Variants in AAK1 observed in about 807,000 individuals in gnomAD.
The protein encoded by AAK1 is AP2-associated protein kinase 1.
A neutral mutation model predicts 116.0 loss-of-function variants in AAK1; 37 were observed. That is an observed-to-expected ratio of 0.32 (90% CI 0.25 to 0.42). The LOEUF (loss-of-function observed/expected upper bound fraction) is 0.42, where lower values mean the gene tolerates loss of function less well. AAK1 is among the 10% of genes least tolerant of loss of function. AAK1 has a pLI of 1.00. For synonymous variants in AAK1, 458 were observed against 439.9 expected, an observed-to-expected ratio of 1.04 and a Z score of -0.51; for missense variants, 919 against 1,170.6, an observed-to-expected ratio of 0.79 and a Z score of 3.14.
chr2:69,542,906 A>G (rs1670778792), intron 4 of AAK1, among the ~76,000 whole-genome samples: 1 of 152,162 alleles, frequency 6.6e-6, no homozygotes, highest in South Asian at 2.1e-4. Flanking sequence ...AGCACCCCAG[A>G]TGTGAGCTGC....
intron 5 of AAK1, among the ~76,000 whole-genome samples, chr2:69,532,630 T>A (rs910888069): frequency 6.6e-6 from 1 of 152,212 alleles, no homozygotes; most frequent in African/African-American, 2.4e-5. Context: ...AAAATGTCAC[T>A]CTTTCCCTAT....
intron 6 of AAK1, chr2:69,531,627 G>A: frequency 2.0e-6 from 2 of 991,242 alleles, no homozygotes; most frequent in Non-Finnish European, 2.4e-6. Flanking sequence ...ATCGCCTTAT[G>A]AGCAGGAAGA....
chr2:69,520,339 T>C (rs1473895930), intron 11 of AAK1, among the ~76,000 whole-genome samples: 2 of 151,886 alleles, frequency 1.3e-5, no homozygotes, highest in Non-Finnish European at 2.9e-5. Context: ...TTGCCAGCCA[T>C]TTGCGATACA....
chr2:69,575,715 G>A lies in AAK1; in HGVS notation c.164-18737C>T, dbSNP rs142138534. ...ACTCTTAACCTCAGGTGATCCACCCGCCTTGGCCACCCAAAGTGCTAGGAT... is the reference window on the plus strand; with the variant it reads ...ACTCTTAACCTCAGGTGATCCACCCACCTTGGCCACCCAAAGTGCTAGGAT... On this transcript the variant is annotated intron_variant, in intron 2 of 21. Coordinates refer to ENST00000409085, the MANE Select transcript of AAK1 (RefSeq NM_014911.5). Among the ~76,000 whole-genome samples the A allele has an allele frequency of 1.9e-3, 286 of 152,160 alleles. 2 individuals carry two copies. The highest frequency in any genetic ancestry group is 6.3e-3 in the African/African-American group (260 of 41,508).
At chr2:69,482,356 CAAAAA>C in intron 18 of AAK1, 1 of 412,038 alleles carries the variant, frequency 2.4e-6, no homozygotes. Flanking sequence ...CTGTCTCAAA[CAAAAA>C]AAAAAAAAAG....
chr2:69,509,814 C>G (rs1205804324), intron 13 of AAK1, among the ~76,000 whole-genome samples: 1 of 152,178 alleles, frequency 6.6e-6, no homozygotes, highest in African/African-American at 2.4e-5. Context: ...GGACCACTTT[C>G]TATTTCTGGA....
chr2:69,513,616 G>A (rs1343680252), intron 13 of AAK1, among the ~76,000 whole-genome samples: 3 of 152,174 alleles, frequency 2.0e-5, no homozygotes, highest in East Asian at 1.9e-4. Context: ...AGGCCACTGT[G>A]CCCAGCAGAA....
At chr2:69,519,720 T>C (rs1407758286) in intron 11 of AAK1, among the ~76,000 whole-genome samples, 1 of 152,256 alleles carries the variant, frequency 6.6e-6, no homozygotes, top group African/African-American at 2.4e-5. Flanking sequence ...CTCGATATTT[T>C]GGATCAATCC....
At chr2:69,544,887 G>A (rs914702300) in intron 3 of AAK1, among the ~76,000 whole-genome samples, 1 of 152,208 alleles carries the variant, frequency 6.6e-6, no homozygotes, top group Non-Finnish European at 1.5e-5. Context: ...AAAGAGTAGA[G>A]AGACCGTGTG....
At chr2:69,614,370 G>A (rs1240113117) in intron 2 of AAK1, among the ~76,000 whole-genome samples, 9 of 152,136 alleles carry the variant, frequency 5.9e-5, no homozygotes, top group Admixed American at 5.9e-4. Flanking sequence ...GGAAGGAGGA[G>A]TCTAGTAAAC....
intron 5 of AAK1, among the ~76,000 whole-genome samples, chr2:69,533,902 C>T (rs57621924): frequency 0.012 from 1,893 of 152,198 alleles, 28 homozygotes; most frequent in African/African-American, 0.02. Flanking sequence ...GGCTGAGGCA[C>T]GCAAATATTT....
At chr2:69,518,807 T>A in intron 12 of AAK1, 147 bp downstream of exon 12, 1 of 1,235,298 alleles carries the variant, frequency 8.1e-7, no homozygotes, top group East Asian at 2.6e-5. Flanking sequence ...GAGTGATGGA[T>A]CCGCTTCTCA....
In AAK1 at chr2:69,464,578, G is replaced by C. The variant is rs938612110; in HGVS notation, c.*11291C>G. On this transcript the variant is annotated 3_prime_UTR_variant, in exon 22 of 22. Coordinates refer to ENST00000409085, the MANE Select transcript of AAK1 (RefSeq NM_014911.5). The stretch of plus-strand genomic sequence containing the variant: ...GGCGAGCAAACACCAAAAAACGAGT[G>C]ATTTCATTGTGGAGGTAGGCATGAT... The C allele has an allele frequency of 2.6e-5, 4 of 152,542 alleles. No individual in the cohort carries two copies. Among genetic ancestry groups the C allele is most frequent in the Non-Finnish European group, 5.9e-5 (4 of 68,036 alleles). The allele number at this position is 152,542 out of a possible 1,614,324, so 9.4% of individuals were successfully genotyped here.
Position 69,520,985 on chromosome 2 carries a change from C to T in AAK1, c.1059G>A (p.Leu353=). 1 of 1,613,790 alleles carries T rather than the reference C, an allele frequency of 6.2e-7. No homozygotes were observed. The highest frequency in any genetic ancestry group is 2.2e-5 in the East Asian group (1 of 44,874). ...TCTCTGTGGTGGGAATGGGATCTGT[C>T]AGTCTAGAAAGGGAAAAGAGAAAGG... ...AAKKTQPKAR[L]TDPIPTTETS... The change falls in exon 11 of 22, where the codon CTG becomes CTA. Residue 353 remains leucine, a synonymous_variant. Transcript: ENST00000409085.
chr2:69,510,812 G>C (rs1319873976), intron 13 of AAK1, among the ~76,000 whole-genome samples: 1 of 152,082 alleles, frequency 6.6e-6, no homozygotes, highest in Non-Finnish European at 1.5e-5. Context: ...TCAATCTTCA[G>C]TTTGGACATA....
chr2:69,508,322 C>A (rs1676265852), intron 14 of AAK1, among the ~76,000 whole-genome samples: 1 of 152,164 alleles, frequency 6.6e-6, no homozygotes, highest in Admixed American at 6.5e-5. Context: ...AGTTAAGGGC[C>A]ACCATCACAA....
At chr2:69,521,043 G>A in intron 10 of AAK1, 55 bp from the exon 11 acceptor site, 1 of 1,584,594 alleles carries the variant, frequency 6.3e-7, no homozygotes, top group African/African-American at 1.3e-5. Flanking sequence ...ATGGAAGGGA[G>A]TGGGCAGAGG....
chr2:69,558,531 GGAGT>G (rs1671488907), intron 2 of AAK1, among the ~76,000 whole-genome samples: 1 of 152,266 alleles, frequency 6.6e-6, no homozygotes, highest in East Asian at 1.9e-4. Flanking sequence ...TGAAGGCTTT[GGAGT>G]AAGTAGCAGT....
At chr2:69,517,426 A>G (rs1676627617) in intron 12 of AAK1, among the ~76,000 whole-genome samples, 1 of 152,174 alleles carries the variant, frequency 6.6e-6, no homozygotes, top group Admixed American at 6.5e-5. Context: ...CAAATGGATC[A>G]GACAGACAAC....
Sources: allele counts gnomAD v4.1 joint callset (sites outside exome capture counted in the v4.1 genomes callset), GRCh38; gene constraint gnomAD v4.1.1; transcripts MANE v1.5; gene names NCBI Gene and HGNC (gene_info 2026-07-23, HGNC 2026-07-21).